VSTM2B: variants seen among roughly 807,000 people sequenced by gnomAD.
The protein encoded by VSTM2B is V-set and transmembrane domain containing 2B.
Under a neutral mutation model 24.0 loss-of-function variants are expected in VSTM2B, and 24 were observed. The ratio of observed to expected loss-of-function variants is 1.00; its 90% CI spans 0.72 to 1.40. The LOEUF (loss-of-function observed/expected upper bound fraction) is 1.40, where lower values mean the gene tolerates loss of function less well. Among genes scored for constraint, VSTM2B ranks in the 40% most tolerant of loss-of-function variants. The probability of loss-of-function intolerance (pLI) is 0.00; values close to 1 mark genes in which losing one functional copy is unlikely to be tolerated. For missense variants in VSTM2B, 399 were observed against 416.4 expected (o/e 0.96, Z 0.36); for synonymous variants, 226 against 194.4 (o/e 1.16, Z -1.35).
intron 4 of VSTM2B, among the ~76,000 whole-genome samples, chr19:29,554,827 A>G (rs1351029950): frequency 6.6e-6 from 1 of 152,214 alleles, no homozygotes; most frequent in Non-Finnish European, 1.5e-5. Context: ...AGGGCATTAC[A>G]TAATGATAAA....
At chr19:29,544,367 A>T (rs1376912193) in intron 4 of VSTM2B, among the ~76,000 whole-genome samples, 1 of 151,336 alleles carries the variant, frequency 6.6e-6, no homozygotes, top group Non-Finnish European at 1.5e-5. Flanking sequence ...TCTACTGAAA[A>T]TATAAAAAAT....
intron 4 of VSTM2B, among the ~76,000 whole-genome samples, chr19:29,538,960 A>G (rs537798001): frequency 6.6e-6 from 1 of 152,230 alleles, no homozygotes; most frequent in African/African-American, 2.4e-5. Context: ...CATCTCAGTG[A>G]TGGGGCTGAT....
At chr19:29,531,450 G>T (rs938808800) in intron 4 of VSTM2B, among the ~76,000 whole-genome samples, 1 of 152,184 alleles carries the variant, frequency 6.6e-6, no homozygotes, top group South Asian at 2.1e-4. Context: ...TGCAGAATCC[G>T]CTGGGGCAGG....
chr19:29,528,517 C>T (rs781595236), intron 3 of VSTM2B, 55 bp downstream of exon 3: 30 of 1,546,204 alleles, frequency 1.9e-5, no homozygotes, highest in African/African-American at 2.7e-5. Context: ...CGCCTCGGGT[C>T]CCGCAGCTCC....
intron 4 of VSTM2B, among the ~76,000 whole-genome samples, chr19:29,531,513 A>T (rs1969757114): frequency 6.6e-6 from 1 of 152,184 alleles, no homozygotes; most frequent in Admixed American, 6.5e-5. Context: ...CTAACTCTCA[A>T]GCCCTCCGAC....
intron 3 of VSTM2B, among the ~76,000 whole-genome samples, chr19:29,529,473 A>T (rs1476541234): frequency 1.3e-5 from 2 of 152,202 alleles, no homozygotes; most frequent in African/African-American, 4.8e-5. Context: ...CTGAAGGTGC[A>T]GGAGGGAGGA....
At chr19:29,562,525 G>C (rs918079903) in intron 4 of VSTM2B, among the ~76,000 whole-genome samples, 3 of 152,208 alleles carry the variant, frequency 2.0e-5, no homozygotes, top group Middle Eastern at 3.2e-3. Flanking sequence ...AGCCCAGCTG[G>C]TGGGGTCAAG....
intron 4 of VSTM2B, among the ~76,000 whole-genome samples, chr19:29,542,880 G>T (rs1160650090): frequency 1.3e-5 from 2 of 152,126 alleles, no homozygotes; most frequent in African/African-American, 4.8e-5. Context: ...TAGGAAAAAA[G>T]TCTCCAAGTG....
rs1337753359 is a variant in VSTM2B at position 29,529,835 on chromosome 19, G to T, written c.314G>T (p.Gly105Val). ...ATKISTVRVQ[G>V]NDISHRLRLS... ...CTCTTGCAGACCGTACGCGTCCAGG[G>T]CAATGACATCTCACACCGGCTTCGG... The change falls in exon 4 of 5, where the codon GGC becomes GTC. Residue 105 changes from glycine (G) to valine (V), a missense_variant. Coordinates refer to ENST00000335523, the MANE Select transcript of VSTM2B (RefSeq NM_001146339.2). 5 of 1,549,770 alleles carry T rather than the reference G, an allele frequency of 3.2e-6. No individual in the cohort carries two copies. Among genetic ancestry groups the T allele is most frequent in the Non-Finnish European group, 3.5e-6 (4 of 1,146,634 alleles).
intron 4 of VSTM2B, among the ~76,000 whole-genome samples, chr19:29,547,040 A>T (rs1367559423): frequency 2.6e-5 from 4 of 152,146 alleles, no homozygotes; most frequent in Admixed American, 2.0e-4. Flanking sequence ...CAGGGGCCAG[A>T]CTGCCTGGGT....
intron 3 of VSTM2B, chr19:29,529,118 G>A (rs1004452985): frequency 2.0e-6 from 2 of 985,342 alleles, no homozygotes; most frequent in African/African-American, 3.5e-5. Flanking sequence ...CTGGGTGTTT[G>A]TTGAGAGCCG....
Position 29,526,453 on chromosome 19 carries a change from G to A in VSTM2B, c.-131G>A. 1 of 425,116 alleles carries A rather than the reference G, an allele frequency of 2.4e-6. No individual in the cohort carries two copies. The highest frequency in any genetic ancestry group is 5.6e-5 in the East Asian group (1 of 17,832). The allele number at this position is 425,116 out of a possible 1,614,324, so 26.3% of individuals were successfully genotyped here. ...GCTGATTGGCGGCCGCCGGCGGCCA[G>A]GGGAGGGGGCGCCGCGCGGGGCCAT... On this transcript the variant is annotated 5_prime_UTR_variant, in exon 1 of 5. Coordinates refer to ENST00000335523, the MANE Select transcript of VSTM2B (RefSeq NM_001146339.2). The surrounding 1 kb of genome is among the most constrained non-coding windows in gnomAD (Gnocchi z 4.1).
At chr19:29,540,835 C>G (rs1213667674) in intron 4 of VSTM2B, among the ~76,000 whole-genome samples, 1 of 152,174 alleles carries the variant, frequency 6.6e-6, no homozygotes, top group South Asian at 2.1e-4. Context: ...ATGGCTGGTA[C>G]TCTAAAGGAG....
At chr19:29,547,698 G>A (rs1178460815) in intron 4 of VSTM2B, among the ~76,000 whole-genome samples, 2 of 152,136 alleles carry the variant, frequency 1.3e-5, no homozygotes, top group African/African-American at 4.8e-5. Context: ...AGAGGCAAGG[G>A]GCACCTAAAC....
At chr19:29,550,752 G>A (rs571038009) in intron 4 of VSTM2B, among the ~76,000 whole-genome samples, 1 of 151,976 alleles carries the variant, frequency 6.6e-6, no homozygotes, top group South Asian at 2.1e-4. Flanking sequence ...GCAAGAGCCA[G>A]ACCAGCCTGT....
rs1255513173 is a variant in VSTM2B, at chr19:29,530,216, C to T, written c.695C>T (p.Ala232Val). The T allele has an allele frequency of 1.7e-5, 26 of 1,503,556 alleles. No homozygotes were observed. Among genetic ancestry groups the T allele is most frequent in the Admixed American group, 6.3e-5 (3 of 47,762 alleles). The allele number at this position is 1,503,556 out of a possible 1,614,324, so 93.1% of individuals were successfully genotyped here. ...GCCCACACGCCCACCACCACAGTCGCGGCAGCTGCTGCTGCCTCGTCAGCG... is the reference window on the plus strand; with the variant it reads ...GCCCACACGCCCACCACCACAGTCGTGGCAGCTGCTGCTGCCTCGTCAGCG... Reference protein sequence around the residue: ...SAAHTPTTTVAAAAAASSASP... With the variant: ...SAAHTPTTTVVAAAAASSASP... Residue 232 changes from alanine to valine, a missense_variant, in exon 4 of 5, where the codon GCG (alanine) becomes GTG (valine). Transcript: ENST00000335523.
rs972881626 is a variant in VSTM2B, at chr19:29,530,168, C to G, written c.647C>G (p.Pro216Arg). Residue 216 changes from proline to arginine, a missense_variant, in exon 4 of 5, where the codon CCC becomes CGC. Pro to Arg is a moderately radical substitution (Grantham distance 103, BLOSUM62 -2). Transcript: ENST00000335523. ...SPPAAIDPAV[P>R]EAAAASAAHT... ...CCCGCCGCCATCGATCCCGCAGTCC[C>G]CGAGGCCGCGGCAGCCTCGGCGGCC... 6.0e-6 allele frequency: 9 copies of G among 1,488,212 alleles called. No homozygotes were observed. Among genetic ancestry groups the G allele is most frequent in the Admixed American group, 2.2e-5 (1 of 44,612 alleles). The allele number at this position is 1,488,212 out of a possible 1,614,324, so 92.2% of individuals were successfully genotyped here.
rs376587047 is a variant in VSTM2B, at chr19:29,533,258, C to G, written c.769+2968C>G. Among the ~76,000 whole-genome samples, 9 of 152,348 alleles carry G rather than the reference C, an allele frequency of 5.9e-5. No homozygotes were observed. In the East Asian group the frequency reaches 9.6e-4, roughly 16 times the overall value. ...CATATGTTAATGCCCATGTGGGTCA[C>G]TCTGCCTTCCCTGGAGGGGCTGATG... On this transcript the variant is annotated intron_variant, in intron 4 of 4. Transcript: ENST00000335523.
intron 4 of VSTM2B, among the ~76,000 whole-genome samples, chr19:29,550,758 C>G (rs894804371): frequency 1.3e-5 from 2 of 152,050 alleles, no homozygotes; most frequent in Non-Finnish European, 2.9e-5. Flanking sequence ...GCCAGACCAG[C>G]CTGTTGTCCA....
Sources: gnomAD v4.1 joint callset for allele counts (sites outside exome capture counted in the v4.1 genomes callset) on GRCh38, gnomAD v4.1.1 for gene constraint, Gnocchi (gnomAD v3.1) non-coding constraint, MANE v1.5 for transcripts, NCBI Gene and HGNC (gene_info 2026-07-23, HGNC 2026-07-21) for gene names.